The following KRIT1 variants were observed in gnomAD, a reference collection of about 807,000 sequenced individuals.
KRIT1 encodes krev interaction trapped protein 1.
In KRIT1, 45 loss-of-function variants were observed where a neutral mutation model predicts 95.8. The observed-to-expected ratio is 0.47, with a 90% CI of 0.37 to 0.60. The LOEUF is 0.60. Ranked by LOEUF, KRIT1 falls within the 20% of genes least tolerant of loss-of-function variation. The pLI, the probability that KRIT1 is intolerant of heterozygous loss-of-function variation, is 0.00. For missense variants in KRIT1, 788 were observed against 877.5 expected, an observed-to-expected ratio of 0.90 and a Z score of 1.29; for synonymous variants, 282 against 278.8, an observed-to-expected ratio of 1.01 and a Z score of -0.11.
rs755510711 is a variant in KRIT1 at position 92,221,879 on chromosome 7, G to GT, written c.1563+22dup. On this transcript the variant is annotated intron_variant, in intron 14 of 18. Transcript: ENST00000394505. The stretch of plus-strand genomic sequence containing the variant: ...ACAGATTTTGTGCATTTAAATAACT[G>GT]TAAATAAGATTTCCAAGCAAACCTG... 1.2e-5 allele frequency: 19 copies of GT among 1,604,926 alleles called. No individual in the cohort carries two copies. The African/African-American group carries it at 2.4e-4, about 20-fold the overall frequency.
At position 92,200,343 on chromosome 7, in the gene KRIT1, C is replaced by A; in HGVS notation, c.*393G>T. The A allele has an allele frequency of 7.5e-6, 2 of 267,862 alleles. No individual in the cohort carries two copies. Among genetic ancestry groups the A allele is most frequent in the South Asian group, 4.2e-5 (1 of 23,596 alleles). The allele number at this position is 267,862 out of a possible 1,614,324, so 16.6% of individuals were successfully genotyped here. On this transcript the variant is annotated 3_prime_UTR_variant, in exon 19 of 19. Transcript: ENST00000394505. The stretch of plus-strand genomic sequence containing the variant: ...CATATATATTACAAGAGACTATATG[C>A]CTTGTTGAAAGTAATTTTTTTTTTT...
intron 10 of KRIT1, 23 bp from the exon 11 acceptor site, chr7:92,226,705 A>G (rs771397017): frequency 6.2e-7 from 1 of 1,609,264 alleles, no homozygotes. Context: ...ACAAACAAAC[A>G]AAAAACAACA....
Position 92,236,438 on chromosome 7 carries a change from C to A in KRIT1, c.460G>T (p.Ala154Ser). The A allele has an allele frequency of 1.2e-6, 2 of 1,605,444 alleles. No homozygotes were observed. Among genetic ancestry groups the A allele is most frequent in the South Asian group, 1.1e-5 (1 of 90,888 alleles). Reference sequence around the variant, plus strand: ...TTATCCAAGGCTATTAACATCCTTGCTGTAAGTGTAGCAAAATGAGTACTG... The same window carrying A: ...TTATCCAAGGCTATTAACATCCTTGATGTAAGTGTAGCAAAATGAGTACTG... ...ESSTHFATLT[A>S]RMLIALDKWL... is the part of the protein sequence containing the mutation. Residue 154 changes from alanine (A) to serine (S), a missense_variant, in exon 7 of 19, where the codon GCA becomes TCA. By Grantham distance (99) the Ala-to-Ser change is moderately conservative. Around this residue, in one of 3 missense-constraint regions of KRIT1, gnomAD observed 289 missense variants for 277.5 expected, o/e 1.04. Coordinates refer to ENST00000394505, the MANE Select transcript of KRIT1 (RefSeq NM_194454.3).
chr7:92,220,714 A>C (rs1393764611), intron 14 of KRIT1, among the ~76,000 whole-genome samples: 1 of 42,204 alleles, frequency 2.4e-5, no homozygotes, highest in African/African-American at 9.8e-5. Context: ...TTTTTTTTTG[A>C]GATGGAATCT....
chr7:92,245,214 A>C (rs1453467059), intron 1 of KRIT1, 43 bp from the exon 2 acceptor site: 5 of 152,014 alleles, frequency 3.3e-5, no homozygotes, highest in Non-Finnish European at 7.4e-5. Flanking sequence ...AGTGAGTTAC[A>C]GGGGGAGAAG....
chr7:92,230,669 A>C (rs1160170070), intron 10 of KRIT1, among the ~76,000 whole-genome samples: 1 of 152,148 alleles, frequency 6.6e-6, no homozygotes, highest in Non-Finnish European at 1.5e-5. Flanking sequence ...TGTTTGAGGG[A>C]AAGAAGAAAG....
chr7:92,204,827 C>A (rs1485795912), intron 17 of KRIT1, among the ~76,000 whole-genome samples: 1 of 152,052 alleles, frequency 6.6e-6, no homozygotes, highest in South Asian at 2.1e-4. Context: ...AGTCCATGGC[C>A]TGGGTGTTGG....
chr7:92,208,713 G>A (rs1330058469), intron 17 of KRIT1, among the ~76,000 whole-genome samples: 1 of 151,930 alleles, frequency 6.6e-6, no homozygotes, highest in East Asian at 1.9e-4. Context: ...GTTGAATCAG[G>A]AACAAAAAGT....
At chr7:92,222,327 AAGT>A (rs1383148019) in intron 13 of KRIT1, among the ~76,000 whole-genome samples, 2 of 152,184 alleles carry the variant, frequency 1.3e-5, no homozygotes, top group African/African-American at 4.8e-5. Context: ...ATTATGACAT[AAGT>A]AGAATTCCTA....
At chr7:92,204,231 A>C (rs982985483) in intron 17 of KRIT1, 1 of 151,810 alleles carries the variant, frequency 6.6e-6, no homozygotes, top group African/African-American at 2.4e-5. Context: ...GCTGCACTCC[A>C]GCCTGGGCAA....
Position 92,214,711 on chromosome 7 carries a change from A to G in KRIT1, c.1630T>C (p.Tyr544His). 1 of 1,608,548 alleles carries G rather than the reference A, an allele frequency of 6.2e-7. No homozygotes were observed. Residue 544 changes from tyrosine (Y) to histidine (H), a missense_variant, in exon 15 of 19, where the codon TAT becomes CAT. This residue lies in a region of KRIT1 where 493 missense variants were observed against 582.3 expected (regional missense o/e 0.85). Transcript: ENST00000394505. ...EARYNLLKGF[Y>H]TAPDAKLITL... ...ATCAGCTTAGCATCAGGAGCTGTAT[A>G]AAAGCCCTTCAATAAATTATATCTG...
At chr7:92,232,190 A>G (rs538413570) in intron 10 of KRIT1, among the ~76,000 whole-genome samples, 2 of 152,308 alleles carry the variant, frequency 1.3e-5, no homozygotes, top group East Asian at 3.9e-4. Context: ...GGCCTTCCAA[A>G]GTGCTGGGAT....
At chr7:92,215,753 G>A (rs1450590513) in intron 14 of KRIT1, among the ~76,000 whole-genome samples, 1 of 151,662 alleles carries the variant, frequency 6.6e-6, no homozygotes, top group Non-Finnish European at 1.5e-5. Flanking sequence ...ACTGCACCTG[G>A]CCTAGATCTT....
At chr7:92,241,378 G>GT (rs765379958) in intron 4 of KRIT1, among the ~76,000 whole-genome samples, 17 of 152,150 alleles carry the variant, frequency 1.1e-4, no homozygotes, top group Non-Finnish European at 2.5e-4. Context: ...GTGAGAAATG[G>GT]TAAGCCACAG....
At chr7:92,201,066 A>ATACT (rs1212850346) in intron 18 of KRIT1, among the ~76,000 whole-genome samples, 1 of 152,228 alleles carries the variant, frequency 6.6e-6, no homozygotes, top group East Asian at 1.9e-4. Flanking sequence ...GAGACAGGTA[A>ATACT]TACTGACCAG....
intron 10 of KRIT1, among the ~76,000 whole-genome samples, chr7:92,232,628 C>A (rs1389352307): frequency 1.3e-5 from 2 of 151,892 alleles, no homozygotes; most frequent in African/African-American, 4.8e-5. Flanking sequence ...CTATAGTATA[C>A]TTTTTTGGAA....
chr7:92,231,329 A>C (rs2131596021), intron 10 of KRIT1, among the ~76,000 whole-genome samples: 1 of 152,272 alleles, frequency 6.6e-6, no homozygotes, highest in Admixed American at 6.5e-5. Flanking sequence ...TGTTATGTTA[A>C]CATATATAGG....
intron 6 of KRIT1, among the ~76,000 whole-genome samples, chr7:92,237,035 T>C (rs755664183): frequency 5.3e-5 from 8 of 152,102 alleles, no homozygotes; most frequent in African/African-American, 1.4e-4. Context: ...TAATACCTCA[T>C]TGAATTTTTC....
At chr7:92,223,058 T>C (rs1376423673) in intron 12 of KRIT1, 80 bp from the exon 13 acceptor site, 1 of 851,556 alleles carries the variant, frequency 1.2e-6, no homozygotes, top group African/African-American at 1.7e-5. Context: ...TTCAACTTCA[T>C]GTGCTTTATT....
Sources: gnomAD v4.1 joint callset for allele counts (sites outside exome capture counted in the v4.1 genomes callset) on GRCh38, gnomAD v4.1.1 for gene constraint, gnomAD v4.1.1 regional missense constraint, MANE v1.5 for transcripts, NCBI Gene and HGNC (gene_info 2026-07-23, HGNC 2026-07-21) for gene names.